The following PCMT1 variants were observed in gnomAD, a reference collection of about 807,000 sequenced individuals.
PCMT1 encodes the protein protein-L-isoaspartate(D-aspartate) O-methyltransferase.
PCMT1 carries 9 observed loss-of-function variants against 29.2 expected under a neutral mutation model. The ratio of observed to expected loss-of-function variants is 0.31; its 90% CI spans 0.19 to 0.54. PCMT1 has a LOEUF of 0.54. PCMT1 is among the 20% of genes least tolerant of loss of function. The pLI is 0.95. For synonymous variants in PCMT1, 98 were observed against 97.5 expected (o/e 1.00, Z -0.03); for missense variants, 184 against 282.2 (o/e 0.65, Z 2.49).
intron 3 of PCMT1, among the ~76,000 whole-genome samples, chr6:149,786,086 GCTC>G (rs1221720883): frequency 7.2e-6 from 1 of 138,116 alleles, no homozygotes; most frequent in Admixed American, 7.1e-5. Context: ...GGGCAGAGGA[GCTC>G]CTCCTTCCCA....
At chr6:149,789,627 G>A (rs1788270696) in intron 3 of PCMT1, among the ~76,000 whole-genome samples, 1 of 152,038 alleles carries the variant, frequency 6.6e-6, no homozygotes, top group Non-Finnish European at 1.5e-5. Flanking sequence ...AGTAATATTG[G>A]TTACCTTTAC....
At chr6:149,776,207 T>A (rs17672976) in intron 3 of PCMT1, among the ~76,000 whole-genome samples, 80,887 of 151,618 alleles carry the variant, frequency 0.53, 24,797 homozygotes, top group East Asian at 0.83. Flanking sequence ...TACAAATGAC[T>A]TTGACATTTA....
chr6:149,810,077 G>C (rs979279746), intron 7 of PCMT1: 5 of 152,732 alleles, frequency 3.3e-5, no homozygotes, highest in African/African-American at 9.7e-5. Flanking sequence ...CTGAGTGAAT[G>C]GTTTCTTTTG....
At chr6:149,772,736 A>G in intron 2 of PCMT1, 1 of 377,648 alleles carries the variant, frequency 2.6e-6, no homozygotes, top group South Asian at 2.0e-5. Flanking sequence ...TTATTGTGAA[A>G]GCCGGGCGTG....
chr6:149,805,075 C>T (rs1775966549), intron 7 of PCMT1, among the ~76,000 whole-genome samples: 1 of 151,986 alleles, frequency 6.6e-6, no homozygotes, highest in African/African-American at 2.4e-5. Context: ...GACCTCGTAT[C>T]TACTAAAAAT....
At chr6:149,804,683 G>A (rs1436143440) in intron 7 of PCMT1, among the ~76,000 whole-genome samples, 2 of 151,946 alleles carry the variant, frequency 1.3e-5, no homozygotes, top group Admixed American at 1.3e-4. Flanking sequence ...TGTATTTTTA[G>A]TAGAGAAGGG....
At chr6:149,782,548 A>T (rs1223208523) in intron 3 of PCMT1, among the ~76,000 whole-genome samples, 1 of 152,186 alleles carries the variant, frequency 6.6e-6, no homozygotes, top group Non-Finnish European at 1.5e-5. Context: ...TAAAAGAGTC[A>T]AGTGCTCCTT....
At chr6:149,770,626 A>T (rs1386611001) in intron 1 of PCMT1, among the ~76,000 whole-genome samples, 1 of 150,440 alleles carries the variant, frequency 6.6e-6, no homozygotes, top group Non-Finnish European at 1.5e-5. Flanking sequence ...GAATCACTTG[A>T]ACCTGGGAGG....
At chr6:149,757,189 A>G (rs1264401424) in intron 1 of PCMT1, among the ~76,000 whole-genome samples, 1 of 152,122 alleles carries the variant, frequency 6.6e-6, no homozygotes, top group Non-Finnish European at 1.5e-5. Context: ...AAAAATTTAT[A>G]TCTTTAGTCA....
At chr6:149,751,514 C>G (rs1712622301) in intron 1 of PCMT1, among the ~76,000 whole-genome samples, 1 of 147,186 alleles carries the variant, frequency 6.8e-6, no homozygotes, top group South Asian at 2.2e-4. Flanking sequence ...CAGAGACTCC[C>G]TCTGTAGCCC....
At chr6:149,795,141 T>C in intron 5 of PCMT1, 1 of 317,660 alleles carries the variant, frequency 3.1e-6, no homozygotes, top group Non-Finnish European at 6.0e-6. Context: ...TGCAGTGAGC[T>C]GAGATCACGC....
intron 3 of PCMT1, among the ~76,000 whole-genome samples, chr6:149,782,437 T>G (rs545008416): frequency 2.6e-5 from 4 of 152,162 alleles, no homozygotes; most frequent in Non-Finnish European, 5.9e-5. Flanking sequence ...ATGTGATGCG[T>G]GCAGTGGTGA....
rs1460852365 is a variant in PCMT1, at chr6:149,762,847, G to GAT, written c.56-8308_56-8307dup. Among the ~76,000 whole-genome samples the GAT allele has an allele frequency of 1.3e-4, 5 of 37,788 alleles. 1 individual carries two copies. The highest frequency in any genetic ancestry group is 5.1e-4 in the Admixed American group (1 of 1,958). The allele number at this position is 37,788 out of a possible 152,430, so 24.8% of individuals were successfully genotyped here. A position where few individuals can be genotyped will look rare whatever the true frequency, so the allele number is the denominator to read the frequency against. On this transcript the variant is annotated intron_variant, in intron 1 of 7. Coordinates refer to ENST00000464889, the MANE Select transcript of PCMT1 (RefSeq NM_001360452.2). ...TGATATATATGATATATATATCTAT[G>GAT]ATATATATCTATGATATATATATCT...
intron 3 of PCMT1, among the ~76,000 whole-genome samples, chr6:149,775,438 T>C (rs1203682332): frequency 6.6e-6 from 1 of 152,126 alleles, no homozygotes; most frequent in Non-Finnish European, 1.5e-5. Flanking sequence ...GTGTGGTGGC[T>C]CACACCTGTG....
intron 1 of PCMT1, among the ~76,000 whole-genome samples, chr6:149,760,022 C>G (rs982978538): frequency 1.3e-5 from 2 of 152,150 alleles, no homozygotes; most frequent in African/African-American, 4.8e-5. Context: ...TTGAAACTTA[C>G]GAGTAACATA....
intron 7 of PCMT1, among the ~76,000 whole-genome samples, chr6:149,808,889 G>C (rs1203488891): frequency 2.0e-5 from 3 of 151,250 alleles, no homozygotes; most frequent in African/African-American, 7.3e-5. Context: ...GCCCGCCTTG[G>C]CCTCCCAAAG....
rs541503257 is a variant in PCMT1, at chr6:149,810,609, C to T, written c.*38-7C>T. On this transcript the variant is annotated splice_polypyrimidine_tract_variant and splice_region_variant and intron_variant, in intron 7 of 7. Transcript: ENST00000464889. ...TACTAATGTATTTCTCTCTTTTTTC[C>T]TCACAGGGATGAATTGTAAAAGCAA... 3 of 1,546,462 alleles carry T rather than the reference C, an allele frequency of 1.9e-6. No individual in the cohort carries two copies. The highest frequency in any genetic ancestry group is 2.6e-6 in the Non-Finnish European group (3 of 1,144,118).
rs1048478514 is a variant in PCMT1 at position 149,760,325 on chromosome 6, T to TA, written c.55+10376dup. 1.6e-4 allele frequency among the ~76,000 whole-genome samples: 25 copies of TA among 152,214 alleles called. No homozygotes were observed. In the Middle Eastern group the frequency reaches 0.01, roughly 62 times the overall value. On this transcript the variant is annotated intron_variant, in intron 1 of 7. Transcript: ENST00000464889. Reference sequence around the variant, plus strand: ...ATGAGGGTACATTGTTCAGTTGCTATAAAAAAAGACCAAACCACAATACCT... The same window carrying TA: ...ATGAGGGTACATTGTTCAGTTGCTATAAAAAAAAGACCAAACCACAATACCT...
intron 3 of PCMT1, among the ~76,000 whole-genome samples, chr6:149,787,006 C>T (rs1583040646): frequency 1.6e-5 from 2 of 123,270 alleles, no homozygotes; most frequent in South Asian, 2.6e-4. Flanking sequence ...ACTGAGTGAG[C>T]GAGACTCTGT....
Sources: gnomAD v4.1 joint callset for allele counts (sites outside exome capture counted in the v4.1 genomes callset) on GRCh38, gnomAD v4.1.1 for gene constraint, MANE v1.5 for transcripts, NCBI Gene and HGNC (gene_info 2026-07-23, HGNC 2026-07-21) for gene names.